GLI2: variants seen among roughly 807,000 people sequenced by gnomAD.
GLI2 encodes the protein transcription activator GLI2.
In GLI2, 22 loss-of-function variants were observed where a neutral mutation model predicts 78.9. The observed-to-expected ratio is 0.28, with a 90% CI of 0.20 to 0.40. GLI2 has a LOEUF of 0.40. Ranked by LOEUF, GLI2 falls within the 10% of genes least tolerant of loss-of-function variation. The pLI, the probability that GLI2 is intolerant of heterozygous loss-of-function variation, is 1.00. For missense variants in GLI2, 2,097 were observed against 2,213.2 expected (o/e 0.95, Z 1.05); for synonymous variants, 974 against 963.7 (o/e 1.01, Z -0.20).
intron 2 of GLI2, among the ~76,000 whole-genome samples, chr2:120,870,970 G>T (rs901060532): frequency 6.6e-6 from 1 of 152,334 alleles, no homozygotes; most frequent in South Asian, 2.1e-4. Context: ...GAACACTCAG[G>T]ATTTTGAACA....
chr2:120,840,268 T>A lies in GLI2; in HGVS notation c.148+42800T>A, dbSNP rs76984637. ...TTCTCTCTTCCTGGAACTTTCTTAT[T>A]CTGTCTTCCATGTGTCGGCACCTGG... On this transcript the variant is annotated intron_variant, in intron 2 of 13. Transcript: ENST00000361492. Among the ~76,000 whole-genome samples the A allele has an allele frequency of 1.1e-4, 17 of 152,352 alleles. No homozygotes were observed. In the East Asian group the frequency reaches 3.3e-3, roughly 29 times the overall value.
intron 13 of GLI2, among the ~76,000 whole-genome samples, chr2:120,986,986 G>A (rs1261857294): frequency 6.6e-6 from 1 of 152,190 alleles, no homozygotes; most frequent in Non-Finnish European, 1.5e-5. Flanking sequence ...AGTCCCAAAG[G>A]AGCGTATGGT....
At chr2:120,926,608 G>A (rs554383254) in intron 2 of GLI2, among the ~76,000 whole-genome samples, 7 of 152,084 alleles carry the variant, frequency 4.6e-5, no homozygotes, top group East Asian at 1.9e-4. Flanking sequence ...TTGCCTCCAG[G>A]GTACCCAGGA....
At chr2:120,780,592 G>A (rs1392224488) in intron 1 of GLI2, among the ~76,000 whole-genome samples, 1 of 152,230 alleles carries the variant, frequency 6.6e-6, no homozygotes, top group Non-Finnish European at 1.5e-5. Context: ...GGACATGGCT[G>A]GTGGGGAGGC....
chr2:120,814,834 A>G (rs1685421208), intron 2 of GLI2, among the ~76,000 whole-genome samples: 1 of 122,624 alleles, frequency 8.2e-6, no homozygotes, highest in Non-Finnish European at 1.6e-5. Flanking sequence ...GTCTTCCATG[A>G]AACTGGTCCC....
At chr2:120,885,246 A>G (rs1471725982) in intron 2 of GLI2, among the ~76,000 whole-genome samples, 1 of 152,150 alleles carries the variant, frequency 6.6e-6, no homozygotes, top group Admixed American at 6.5e-5. Context: ...GGCCTGGCCC[A>G]TGGAAGAGAC....
intron 2 of GLI2, among the ~76,000 whole-genome samples, chr2:120,923,266 AG>A (rs1679480398): frequency 8.3e-6 from 1 of 121,186 alleles, no homozygotes; most frequent in Admixed American, 8.4e-5. Flanking sequence ...ACACATACAC[AG>A]CAACATACAT....
At chr2:120,953,990 G>C (rs111602379) in intron 4 of GLI2, among the ~76,000 whole-genome samples, 4 of 152,104 alleles carry the variant, frequency 2.6e-5, no homozygotes, top group African/African-American at 7.2e-5. Context: ...CCACGTACCC[G>C]CTTACAGCCC....
chr2:120,948,653 C>T (rs1405672270), intron 3 of GLI2, among the ~76,000 whole-genome samples: 1 of 152,222 alleles, frequency 6.6e-6, no homozygotes, highest in African/African-American at 2.4e-5. Context: ...CTTGGACAGA[C>T]TGGGCCTGCT....
intron 2 of GLI2, among the ~76,000 whole-genome samples, chr2:120,927,110 G>C (rs924546201): frequency 6.6e-6 from 1 of 152,232 alleles, no homozygotes; most frequent in Non-Finnish European, 1.5e-5. Flanking sequence ...CGAGTTCAAA[G>C]AGTGCTTAGC....
chr2:120,799,008 A>G (rs1393724438), intron 2 of GLI2, among the ~76,000 whole-genome samples: 1 of 152,230 alleles, frequency 6.6e-6, no homozygotes, highest in Admixed American at 6.5e-5. Context: ...TGAGTGGATC[A>G]TGAACCACCA....
At chr2:120,939,818 G>A (rs1225635309) in intron 3 of GLI2, among the ~76,000 whole-genome samples, 1 of 152,192 alleles carries the variant, frequency 6.6e-6, no homozygotes, top group Non-Finnish European at 1.5e-5. Context: ...GTGGATTCAT[G>A]TTCTCACCCT....
At chr2:120,958,337 G>A (rs1681377390) in intron 5 of GLI2, among the ~76,000 whole-genome samples, 1 of 152,114 alleles carries the variant, frequency 6.6e-6, no homozygotes, top group African/African-American at 2.4e-5. Context: ...ACTCTTGCAG[G>A]ATTCTGTATC....
chr2:120,989,068 G>A lies in GLI2; in HGVS notation c.3103G>A (p.Asp1035Asn). Residue 1035 changes from aspartate (D) to asparagine (N), a missense_variant, in exon 14 of 14, where the codon GAC (aspartate) becomes AAC (asparagine). Physicochemically the swap from Asp to Asn is conservative, Grantham distance 23 (BLOSUM62 1). This residue lies in a region of GLI2 where 1,290 missense variants were observed against 1,261.7 expected (regional missense o/e 1.02). Coordinates refer to ENST00000361492, the MANE Select transcript of GLI2 (RefSeq NM_001374353.1). The part of the protein sequence containing the change: ...AGVDGAGPEA[D>N]LGLPEDDLVL... ...AGTGGACGGCGCGGGGCCCGAGGCC[G>A]ACCTGGGGCTGCCGGAGGACGACCT... The A allele has an allele frequency of 2.5e-6, 4 of 1,610,956 alleles. No individual in the cohort carries two copies. Among genetic ancestry groups the A allele is most frequent in the Non-Finnish European group, 3.4e-6 (4 of 1,179,726 alleles).
intron 3 of GLI2, among the ~76,000 whole-genome samples, chr2:120,937,887 C>T (rs1031803208): frequency 1.3e-5 from 2 of 152,166 alleles, no homozygotes; most frequent in Non-Finnish European, 2.9e-5. Flanking sequence ...CTATCCAGCC[C>T]GCCGGCCACC....
chr2:120,898,219 A>AG (rs1200179405), intron 2 of GLI2, among the ~76,000 whole-genome samples: 40 of 114,282 alleles, frequency 3.5e-4, no homozygotes, highest in African/African-American at 1.5e-3. Context: ...CACACACAAA[A>AG]TGATTGTCAT....
chr2:120,957,066 A>G (rs79464840), intron 5 of GLI2, among the ~76,000 whole-genome samples: 246 of 152,002 alleles, frequency 1.6e-3, no homozygotes, highest in African/African-American at 5.3e-3. Flanking sequence ...ACCACCTCAC[A>G]TTGCTCCTCA....
intron 3 of GLI2, among the ~76,000 whole-genome samples, chr2:120,942,762 C>G (rs1680512465): frequency 6.6e-6 from 1 of 152,204 alleles, no homozygotes. Context: ...GCAGTAGTGT[C>G]TGTGCTCTTC....
rs551363672 is a variant in GLI2, at chr2:120,920,818, G to A, written c.149-6543G>A. 2.6e-5 allele frequency among the ~76,000 whole-genome samples: 4 copies of A among 151,872 alleles called. No individual in the cohort carries two copies. In the South Asian group the frequency reaches 8.4e-4, roughly 32 times the overall value. On this transcript the variant is annotated intron_variant, in intron 2 of 13. Coordinates refer to ENST00000361492, the MANE Select transcript of GLI2 (RefSeq NM_001374353.1). ...AGTCATTTCTTTGAAATGGCATACGGGGTGTGTATGTTTTCAGGGGGATGG... is the reference window on the plus strand; with the variant it reads ...AGTCATTTCTTTGAAATGGCATACGAGGTGTGTATGTTTTCAGGGGGATGG...
Sources: allele counts gnomAD v4.1 joint callset (sites outside exome capture counted in the v4.1 genomes callset), GRCh38; gene constraint gnomAD v4.1.1; regional missense constraint gnomAD v4.1.1; transcripts MANE v1.5; gene names NCBI Gene and HGNC (gene_info 2026-07-23, HGNC 2026-07-21).